The following PRRG3 variants were observed in gnomAD, a reference collection of about 807,000 sequenced individuals.
PRRG3 encodes the protein transmembrane gamma-carboxyglutamic acid protein 3.
A neutral mutation model predicts 15.8 loss-of-function variants in PRRG3; 21 were observed. The observed-to-expected ratio is 1.33, with a 90% confidence interval of 0.94 to 1.92. The LOEUF (loss-of-function observed/expected upper bound fraction) is 1.92. PRRG3 is among the 40% of genes most tolerant of loss of function. The pLI, the probability that PRRG3 is intolerant of heterozygous loss-of-function variation, is 0.00. For missense variants in PRRG3, 251 were observed against 200.2 expected (o/e 1.25, Z -1.53); for synonymous variants, 125 against 84.1 (o/e 1.49, Z -2.66).
intron 2 of PRRG3, 88 bp downstream of exon 2, chrX:151,698,909 C>G: frequency 1.1e-6 from 1 of 900,788 alleles, no homozygotes; most frequent in Non-Finnish European, 1.6e-6. Context: ...AGCTTCCCTG[C>G]CCCCTACCCC....
rs1302449441 is a variant in PRRG3 at position 151,696,963 on chromosome X, TTTTCTTTTC to T, written c.-32+1430_-32+1438del. Among the ~76,000 whole-genome samples the T allele has an allele frequency of 3.6e-5, 4 of 111,203 alleles. No homozygotes were observed. The East Asian group carries it at 1.1e-3, about 32-fold the overall frequency. ...GTCAGATCTGCTGTTTTACCTTTAA[TTTTCTTTTC>T]TTTCTTTTCTCTCTTTCTCTCTTTC... On this transcript the variant is annotated intron_variant, in intron 1 of 3. Transcript: ENST00000674457.
upstream of PRRG3, among the ~76,000 whole-genome samples, chrX:151,694,751 CG>C (rs35252186): frequency 0.49 from 54,141 of 110,604 alleles, 10,093 homozygotes; most frequent in Non-Finnish European, 0.57. Flanking sequence ...CAGGTGAGCC[CG>C]GGGGGTGGGG....
In PRRG3 at chrX:151,702,476, T is replaced by C. The variant is rs920056055; in HGVS notation, c.*1443T>C. The C allele has an allele frequency of 8.9e-6, 1 of 112,049 alleles. No homozygotes were observed. The highest frequency in any genetic ancestry group is 9.4e-5 in the Admixed American group (1 of 10,649). 9.2% of individuals were successfully genotyped at this position (112,049 alleles called of 1,213,427 possible). The stretch of plus-strand genomic sequence containing the variant: ...GCCACCAGCTTGGACCACTCCACCC[T>C]GTGGCTGGGGTTTTCCATCCTTCCC... On this transcript the variant is annotated 3_prime_UTR_variant, in exon 4 of 4. Coordinates refer to ENST00000674457, the MANE Select transcript of PRRG3 (RefSeq NM_001372163.1).
chrX:151,705,873 C>T lies in PRRG3; in HGVS notation c.*4840C>T, dbSNP rs8009. The T allele has an allele frequency of 0.3, 33,716 of 111,770 alleles. 4,096 individuals are homozygous for T. The highest frequency in any genetic ancestry group is 0.64 in the South Asian group (1,655 of 2,575). 9.2% of individuals were successfully genotyped at this position (111,770 alleles called of 1,213,427 possible). A position where few individuals can be genotyped will look rare whatever the true frequency, so the allele number is the denominator to read the frequency against. On this transcript the variant is annotated 3_prime_UTR_variant, in exon 4 of 4. Coordinates refer to ENST00000674457, the MANE Select transcript of PRRG3 (RefSeq NM_001372163.1). Reference sequence around the variant, plus strand: ...TGAATTTGGCTGTTACATTTTGTCTCCTTCTTTACAAGAAAACAATAATAA... The same window carrying T: ...TGAATTTGGCTGTTACATTTTGTCTTCTTCTTTACAAGAAAACAATAATAA...
In PRRG3 at chrX:151,703,153, T is replaced by A. The variant is rs916067067; in HGVS notation, c.*2120T>A. ...CCTGGCCCATGGAGGGCAACATGTG[T>A]CCTTCAGGGGCTGAGGACAGGCCGT... On this transcript the variant is annotated 3_prime_UTR_variant, in exon 4 of 4. Transcript: ENST00000674457. 8.9e-6 allele frequency: 1 copy of A among 112,245 alleles called. No homozygotes were observed. The highest frequency in any genetic ancestry group is 1.9e-5 in the Non-Finnish European group (1 of 53,234). 9.3% of individuals were successfully genotyped at this position (112,245 alleles called of 1,213,427 possible).
Position 151,701,089 on chromosome X carries a change from C to G in PRRG3, c.*56C>G. 3.0e-6 allele frequency: 3 copies of G among 1,009,245 alleles called. No individual in the cohort carries two copies. The highest frequency in any genetic ancestry group is 3.4e-5 in the South Asian group (1 of 29,530). The allele number at this position is 1,009,245 out of a possible 1,213,427, so 83.2% of individuals were successfully genotyped here. A position where few individuals can be genotyped will look rare whatever the true frequency, so the allele number is the denominator to read the frequency against. On this transcript the variant is annotated 3_prime_UTR_variant, in exon 4 of 4. Transcript: ENST00000674457. ...GCCTCTTTCCGAGGTCTCCTATTTT[C>G]TTTTTAACTTTTTAAAGACTGTGCC...
At position 151,702,606 on chromosome X, in the gene PRRG3, G is replaced by A. The variant is rs1434602549; in HGVS notation, c.*1573G>A. 1 of 112,422 alleles carries A rather than the reference G, an allele frequency of 8.9e-6. No individual in the cohort carries two copies. Among genetic ancestry groups the A allele is most frequent in the Admixed American group, 9.3e-5 (1 of 10,697 alleles). 9.3% of individuals were successfully genotyped at this position (112,422 alleles called of 1,213,427 possible). On this transcript the variant is annotated 3_prime_UTR_variant, in exon 4 of 4. Coordinates refer to ENST00000674457, the MANE Select transcript of PRRG3 (RefSeq NM_001372163.1). ...GCCTTAGGAAGAGTCTTCTAGAAAGGTGTAGGTTATAAGGGAGCAGTCTTA... is the reference window on the plus strand; with the variant it reads ...GCCTTAGGAAGAGTCTTCTAGAAAGATGTAGGTTATAAGGGAGCAGTCTTA...
At position 151,702,052 on chromosome X, in the gene PRRG3, G is replaced by A. The variant is rs952776409; in HGVS notation, c.*1019G>A. 8.9e-6 allele frequency: 1 copy of A among 111,982 alleles called. No homozygotes were observed. Among genetic ancestry groups the A allele is most frequent in the Non-Finnish European group, 1.9e-5 (1 of 53,225 alleles). The allele number at this position is 111,982 out of a possible 1,213,427, so 9.2% of individuals were successfully genotyped here. On this transcript the variant is annotated 3_prime_UTR_variant, in exon 4 of 4. Coordinates refer to ENST00000674457, the MANE Select transcript of PRRG3 (RefSeq NM_001372163.1). ...TGCCAGGTGCCAGTCTGTTTTCAGT[G>A]AGGCTTTGGACAGCAGTGGGGCAGA...
intron 1 of PRRG3, among the ~76,000 whole-genome samples, chrX:151,696,045 C>G (rs2014754736): frequency 1.8e-5 from 2 of 111,172 alleles, no homozygotes; most frequent in African/African-American, 3.3e-5. Context: ...TGGAGTTAAG[C>G]AAGGTCTTTG....
At chrX:151,699,902 T>G in intron 2 of PRRG3, 94 bp from the exon 3 acceptor site, 1 of 930,861 alleles carries the variant, frequency 1.1e-6, no homozygotes, top group South Asian at 2.6e-5. Context: ...CTTGTTTCCC[T>G]GCATAATTAT....
rs144990417 is a variant in PRRG3, at chrX:151,701,012, C to T, written c.675C>T (p.Ala225=). The part of the protein sequence containing the change: ...PPPKYEEIVA[A]NPGADK Reference sequence around the variant, plus strand: ...CAAAGTACGAGGAGATAGTGGCCGCCAACCCTGGCGCTGACAAGTAGTGGG... The same window carrying T: ...CAAAGTACGAGGAGATAGTGGCCGCTAACCCTGGCGCTGACAAGTAGTGGG... The change falls in exon 4 of 4, where the codon GCC becomes GCT. Residue 225 remains alanine (A), a synonymous_variant. Coordinates refer to ENST00000674457, the MANE Select transcript of PRRG3 (RefSeq NM_001372163.1). The T allele has an allele frequency of 3.8e-4, 436 of 1,157,673 alleles. No homozygotes were observed. The African/African-American group carries it at 6.3e-3, about 17-fold the overall frequency.
At chrX:151,697,033 C>T (rs1186259822) in intron 1 of PRRG3, among the ~76,000 whole-genome samples, 1 of 101,512 alleles carries the variant, frequency 9.9e-6, no homozygotes, top group African/African-American at 3.7e-5. Context: ...TCCTTCCTCC[C>T]TCCCCTTCCC....
chrX:151,694,735 G>A (rs892935919), upstream of PRRG3, among the ~76,000 whole-genome samples: 18 of 90,667 alleles, frequency 2.0e-4, no homozygotes, highest in African/African-American at 7.0e-4. Flanking sequence ...CGGCGGGCCT[G>A]AATGGCAGGT....
At chrX:151,695,715 G>T (rs182385384) in intron 1 of PRRG3, among the ~76,000 whole-genome samples, 171 bp downstream of exon 1, 35 of 111,307 alleles carry the variant, frequency 3.1e-4, no homozygotes, top group Non-Finnish European at 6.0e-4. Context: ...GGGTCAGGGC[G>T]CTGGTGTCCA....
chrX:151,705,041 A>G lies in PRRG3; in HGVS notation c.*4008A>G. The G allele has an allele frequency of 5.9e-6, 1 of 168,522 alleles. No individual in the cohort carries two copies. Among genetic ancestry groups the G allele is most frequent in the Non-Finnish European group, 1.1e-5 (1 of 88,844 alleles). 13.9% of individuals were successfully genotyped at this position (168,522 alleles called of 1,213,427 possible). On this transcript the variant is annotated 3_prime_UTR_variant, in exon 4 of 4. Transcript: ENST00000674457. ...AGTTTAAAATGAGTACCCTTTTCAA[A>G]GAAAAGGCTCAAGATATTAAGGATC...
In PRRG3 at chrX:151,703,856, GGTTTTTTTTTTTTTT is replaced by G. The variant is rs2014926883; in HGVS notation, c.*2824_*2838del. 1 of 8,958 alleles carries G rather than the reference GGTTTTTTTTTTTTTT, an allele frequency of 1.1e-4. No homozygotes were observed. The highest frequency in any genetic ancestry group is 2.2e-3 in the Admixed American group (1 of 458). The allele number at this position is 8,958 out of a possible 1,213,427, so 0.7% of individuals were successfully genotyped here. ...AAGAAATCTGAGTACTCCTGGGCATGGTTTTTTTTTTTTTTTTTTTTTTTTTTTTTTTTTTTTTTT... is the reference window on the plus strand; with the variant it reads ...AAGAAATCTGAGTACTCCTGGGCATGTTTTTTTTTTTTTTTTTTTTTTTTT... On this transcript the variant is annotated 3_prime_UTR_variant, in exon 4 of 4. Transcript: ENST00000674457.
At position 151,703,386 on chromosome X, in the gene PRRG3, G is replaced by A. The variant is rs968812707; in HGVS notation, c.*2353G>A. The stretch of plus-strand genomic sequence containing the variant: ...CCCTGTACATATCTTTTCAAACTCT[G>A]TGTTTGTATGGAGGTGGATTTGATA... On this transcript the variant is annotated 3_prime_UTR_variant, in exon 4 of 4. Coordinates refer to ENST00000674457, the MANE Select transcript of PRRG3 (RefSeq NM_001372163.1). 8.9e-6 allele frequency: 1 copy of A among 111,944 alleles called. No individual in the cohort carries two copies. Among genetic ancestry groups the A allele is most frequent in the Non-Finnish European group, 1.9e-5 (1 of 53,193 alleles). 9.2% of individuals were successfully genotyped at this position (111,944 alleles called of 1,213,427 possible).
chrX:151,697,136 C>G (rs112162704), intron 1 of PRRG3, among the ~76,000 whole-genome samples: 29,860 of 85,003 alleles, frequency 0.35, 5,049 homozygotes, highest in East Asian at 0.73. Context: ...CCCTCTCTCC[C>G]TCCCTCTCTC....
rs74527135 is a variant in PRRG3 at position 151,697,570 on chromosome X, G to A, written c.-31-1214G>A. Among the ~76,000 whole-genome samples, 5 of 111,767 alleles carry A rather than the reference G, an allele frequency of 4.5e-5. No homozygotes were observed. In the East Asian group the frequency reaches 1.1e-3, roughly 25 times the overall value. On this transcript the variant is annotated intron_variant, in intron 1 of 3. Coordinates refer to ENST00000674457, the MANE Select transcript of PRRG3 (RefSeq NM_001372163.1). Reference sequence around the variant, plus strand: ...TAAATAGAAAGCTGTATACCACATCGCAGGACAGAAGCATATGTGCTTAAC... The same window carrying A: ...TAAATAGAAAGCTGTATACCACATCACAGGACAGAAGCATATGTGCTTAAC...
Sources: allele counts gnomAD v4.1 joint callset (sites outside exome capture counted in the v4.1 genomes callset), GRCh38; gene constraint gnomAD v4.1.1; transcripts MANE v1.5; gene names NCBI Gene and HGNC (gene_info 2026-07-23, HGNC 2026-07-21).